Variants in KIF26B observed in about 807,000 individuals in gnomAD.
KIF26B encodes kinesin-like protein KIF26B.
In KIF26B, 63 loss-of-function variants were observed where a neutral mutation model predicts 151.2. The observed-to-expected ratio is 0.42, with a 90% CI of 0.34 to 0.51. The LOEUF (loss-of-function observed/expected upper bound fraction) is 0.51. Ranked by LOEUF, KIF26B falls within the 20% of genes least tolerant of loss-of-function variation. The pLI, the probability that KIF26B is intolerant of heterozygous loss-of-function variation, is 0.07. For missense variants in KIF26B, 2,813 were observed against 2,913.6 expected, an observed-to-expected ratio of 0.97 and a Z score of 0.79; for synonymous variants, 1,357 against 1,262.1, an observed-to-expected ratio of 1.08 and a Z score of -1.59.
intron 4 of KIF26B, among the ~76,000 whole-genome samples, chr1:245,530,258 T>TAG: frequency 6.6e-6 from 1 of 152,306 alleles, no homozygotes. Flanking sequence ...ACAACCACTG[T>TAG]AGAGAACAGT....
At chr1:245,344,610 C>T (rs1344912157) in intron 2 of KIF26B, among the ~76,000 whole-genome samples, 1 of 151,730 alleles carries the variant, frequency 6.6e-6, no homozygotes, top group East Asian at 1.9e-4. Context: ...ACCCTGGAGT[C>T]CTTCTCTGCT....
At chr1:245,669,142 A>C (rs1441719636) in intron 10 of KIF26B, among the ~76,000 whole-genome samples, 12 of 152,242 alleles carry the variant, frequency 7.9e-5, no homozygotes, top group Admixed American at 3.9e-4. Context: ...ATAGCCCCTG[A>C]AGTTTTCCCC....
At position 245,603,697 on chromosome 1, in the gene KIF26B, T is replaced by C. The variant is rs139276771; in HGVS notation, c.1557+914T>C. On this transcript the variant is annotated intron_variant, in intron 6 of 14. Coordinates refer to ENST00000407071, the MANE Select transcript of KIF26B (RefSeq NM_018012.4). ...TTCTCAAGGCAGTTTCCAGGACCCA[T>C]GCATGCAGGTCTCTGGAGGCCTAAG... Among the ~76,000 whole-genome samples the C allele has an allele frequency of 8.7e-3, 1,325 of 152,274 alleles. 12 individuals carry two copies. Among genetic ancestry groups the C allele is most frequent in the Non-Finnish European group, 0.015 (1,001 of 68,014 alleles).
intron 5 of KIF26B, among the ~76,000 whole-genome samples, chr1:245,583,623 C>T (rs2043198149): frequency 6.6e-6 from 1 of 152,208 alleles, no homozygotes; most frequent in Admixed American, 6.5e-5. Flanking sequence ...TCCAATGCTG[C>T]CGGAGGACCT....
intron 4 of KIF26B, among the ~76,000 whole-genome samples, chr1:245,438,450 T>A (rs1277835123): frequency 6.6e-6 from 1 of 152,206 alleles, no homozygotes; most frequent in Non-Finnish European, 1.5e-5. Flanking sequence ...ATACTTTATT[T>A]TGATTTTTAG....
intron 2 of KIF26B, among the ~76,000 whole-genome samples, chr1:245,172,683 G>A (rs1389913995): frequency 7.9e-5 from 12 of 152,148 alleles, no homozygotes; most frequent in African/African-American, 1.9e-4. Flanking sequence ...GGTTGTATGC[G>A]CCTGTAATTC....
intron 10 of KIF26B, among the ~76,000 whole-genome samples, chr1:245,647,424 CAAAAAAA>C (rs372008159): frequency 5.2e-5 from 5 of 96,536 alleles, no homozygotes; most frequent in African/African-American, 1.7e-4. Flanking sequence ...GACTCCTTCT[CAAAAAAA>C]AAAAAAAAAA....
At chr1:245,312,890 C>T (rs771998723) in intron 2 of KIF26B, among the ~76,000 whole-genome samples, 10 of 152,074 alleles carry the variant, frequency 6.6e-5, no homozygotes, top group Non-Finnish European at 1.3e-4. Flanking sequence ...GGCCGGGCGC[C>T]GTGGCTCAGG....
intron 2 of KIF26B, among the ~76,000 whole-genome samples, chr1:245,342,485 G>A (rs1359755224): frequency 6.6e-6 from 1 of 152,222 alleles, no homozygotes; most frequent in Non-Finnish European, 1.5e-5. Flanking sequence ...TCACCCACCG[G>A]TGGCTCCTCC....
At chr1:245,233,464 A>G (rs1670039303) in intron 2 of KIF26B, among the ~76,000 whole-genome samples, 1 of 152,198 alleles carries the variant, frequency 6.6e-6, no homozygotes, top group Admixed American at 6.5e-5. Flanking sequence ...TTACCTGGGT[A>G]CTTGTTAGAA....
intron 2 of KIF26B, among the ~76,000 whole-genome samples, chr1:245,291,753 C>T (rs569148246): frequency 3.9e-5 from 6 of 152,250 alleles, no homozygotes; most frequent in East Asian, 1.9e-4. Context: ...ATTTAAGCTG[C>T]GACCTAAGAG....
intron 2 of KIF26B, among the ~76,000 whole-genome samples, chr1:245,186,373 G>A (rs559028884): frequency 6.6e-5 from 10 of 152,300 alleles, no homozygotes; most frequent in Admixed American, 1.3e-4. Context: ...TGTTGTCTGC[G>A]AGCACCTTAC....
At chr1:245,445,247 G>T (rs568061518) in intron 4 of KIF26B, among the ~76,000 whole-genome samples, 5 of 152,184 alleles carry the variant, frequency 3.3e-5, no homozygotes, top group African/African-American at 1.2e-4. Flanking sequence ...AGCCAGGCTG[G>T]TCTAGAATCT....
intron 10 of KIF26B, among the ~76,000 whole-genome samples, chr1:245,648,553 T>G (rs1245948031): frequency 6.6e-6 from 1 of 151,648 alleles, no homozygotes; most frequent in Non-Finnish European, 1.5e-5. Context: ...AAGGGTGGCT[T>G]GAGTCCAGGA....
chr1:245,500,790 G>A (rs1660605385), intron 4 of KIF26B, among the ~76,000 whole-genome samples: 1 of 152,234 alleles, frequency 6.6e-6, no homozygotes, highest in Admixed American at 6.5e-5. Context: ...GATGCTGAAT[G>A]GGATAAGAAT....
At chr1:245,264,490 C>T (rs766179872) in intron 2 of KIF26B, among the ~76,000 whole-genome samples, 4 of 152,004 alleles carry the variant, frequency 2.6e-5, no homozygotes, top group Non-Finnish European at 5.9e-5. Context: ...GTGATCTCTT[C>T]ACTGTTAACA....
At chr1:245,373,229 G>T (rs1673168139) in intron 3 of KIF26B, among the ~76,000 whole-genome samples, 1 of 152,186 alleles carries the variant, frequency 6.6e-6, no homozygotes, top group Non-Finnish European at 1.5e-5. Flanking sequence ...TCTCAGGGAT[G>T]CACTACAATT....
At chr1:245,205,721 T>C (rs1307014744) in intron 2 of KIF26B, among the ~76,000 whole-genome samples, 2 of 151,346 alleles carry the variant, frequency 1.3e-5, no homozygotes, top group Non-Finnish European at 2.9e-5. Context: ...TTTCTTTTTT[T>C]TTTTTTTTAG....
intron 9 of KIF26B, among the ~76,000 whole-genome samples, chr1:245,630,027 A>G (rs907498281): frequency 1.3e-5 from 2 of 152,246 alleles, no homozygotes; most frequent in African/African-American, 4.8e-5. Flanking sequence ...CAAAATGACA[A>G]TGTGATACCA....
Sources: allele counts gnomAD v4.1 joint callset (sites outside exome capture counted in the v4.1 genomes callset), GRCh38; gene constraint gnomAD v4.1.1; transcripts MANE v1.5; gene names NCBI Gene and HGNC (gene_info 2026-07-23, HGNC 2026-07-21).